Variants in RUSC2 observed in about 807,000 individuals in gnomAD.
RUSC2 encodes the protein AP-4 complex accessory subunit RUSC2.
A neutral mutation model predicts 122.2 loss-of-function variants in RUSC2; 34 were observed. The observed-to-expected ratio is 0.28, with a 90% CI of 0.21 to 0.37. The LOEUF (loss-of-function observed/expected upper bound fraction) is 0.37. RUSC2 is among the 10% of genes least tolerant of loss of function. The pLI, the probability that RUSC2 is intolerant of heterozygous loss-of-function variation, is 1.00. For missense variants in RUSC2, 1,747 were observed against 1,952.4 expected, an observed-to-expected ratio of 0.89 and a Z score of 1.98; for synonymous variants, 784 against 790.0, an observed-to-expected ratio of 0.99 and a Z score of 0.13.
In RUSC2 at chr9:35,502,096, C is replaced by T. The variant is rs958319879; in HGVS notation, c.-93+11924C>T. On this transcript the variant is annotated intron_variant, in intron 1 of 11. Coordinates refer to ENST00000361226, the MANE Select transcript of RUSC2 (RefSeq NM_014806.5). ...AAACTTGATGGAAAAAAAAATCACC[C>T]GGATCACCCCTGAAATTCTGATTCA... Among the ~76,000 whole-genome samples, 7 of 152,132 alleles carry T rather than the reference C, an allele frequency of 4.6e-5. No individual in the cohort carries two copies. In the East Asian group the frequency reaches 7.7e-4, roughly 17 times the overall value.
At chr9:35,559,555 T>G (rs547810540) in intron 9 of RUSC2, among the ~76,000 whole-genome samples, 1 of 152,220 alleles carries the variant, frequency 6.6e-6, no homozygotes, top group Admixed American at 6.5e-5. Context: ...GGCAACATGG[T>G]GAAACCCCGT....
chr9:35,549,292 A>ATTT, intron 2 of RUSC2: 16 of 606,562 alleles, frequency 2.6e-5, no homozygotes, highest in Non-Finnish European at 3.0e-5. Flanking sequence ...GCGTCAGTGA[A>ATTT]GTTTTTTTTT....
chr9:35,548,548 A>G lies in RUSC2; in HGVS notation c.2014+13A>G. ...GCTAGAGCTGACGGTAAGGAGCCTAAGGGTTAGCAAATATGTGGCTATTCA... is the reference window on the plus strand; with the variant it reads ...GCTAGAGCTGACGGTAAGGAGCCTAGGGGTTAGCAAATATGTGGCTATTCA... On this transcript the variant is annotated intron_variant, in intron 2 of 11. Coordinates refer to ENST00000361226, the MANE Select transcript of RUSC2 (RefSeq NM_014806.5). This position sits in a 1 kb window ranked among gnomAD's most constrained non-coding sequence, Gnocchi z 4.5. The G allele has an allele frequency of 6.3e-7, 1 of 1,588,882 alleles. No individual in the cohort carries two copies. The highest frequency in any genetic ancestry group is 8.6e-7 in the Non-Finnish European group (1 of 1,169,160).
intron 1 of RUSC2, among the ~76,000 whole-genome samples, chr9:35,521,807 T>C (rs376288802): frequency 6.6e-6 from 1 of 152,224 alleles, no homozygotes; most frequent in African/African-American, 2.4e-5. Context: ...CTGGCCTCAC[T>C]TGGAGTCCAA....
chr9:35,503,212 G>A (rs1163722202), intron 1 of RUSC2, among the ~76,000 whole-genome samples: 10 of 152,024 alleles, frequency 6.6e-5, no homozygotes, highest in Admixed American at 5.9e-4. Context: ...CCCATCACCT[G>A]AGCAGTGTAC....
chr9:35,509,759 ATT>A (rs1820980197), intron 1 of RUSC2, among the ~76,000 whole-genome samples: 1 of 152,186 alleles, frequency 6.6e-6, no homozygotes, highest in Non-Finnish European at 1.5e-5. Flanking sequence ...ATTCACATTT[ATT>A]ATAGTTGTCA....
rs567880502 is a variant in RUSC2, at chr9:35,527,670, T to C, written c.-92-18760T>C. On this transcript the variant is annotated intron_variant, in intron 1 of 11. Transcript: ENST00000361226. ...GTTCTTGCAATCTAAATACATTATT[T>C]ATTGTTTTCTCTGTTATTTGCTCAT... Among the ~76,000 whole-genome samples, 27 of 152,360 alleles carry C rather than the reference T, an allele frequency of 1.8e-4. No homozygotes were observed. The South Asian group carries it at 5.6e-3, about 32-fold the overall frequency.
rs1426237324 is a variant in RUSC2, at chr9:35,560,183, T to C, written c.3543T>C (p.Ser1181=). Reference sequence around the variant, plus strand: ...TGTTCCAGCACCGGCTGCTGCAAAGTGGGCAGCAGCAGCGGCAGCACAAGG... The same window carrying C: ...TGTTCCAGCACCGGCTGCTGCAAAGCGGGCAGCAGCAGCGGCAGCACAAGG... ...DLLFQHRLLQ[S]GQQQRQHKEL... The change falls in exon 10 of 12, where the codon AGT becomes AGC. Residue 1181 remains serine, a synonymous_variant. Coordinates refer to ENST00000361226, the MANE Select transcript of RUSC2 (RefSeq NM_014806.5). 6.2e-7 allele frequency: 1 copy of C among 1,606,488 alleles called. No individual in the cohort carries two copies. The highest frequency in any genetic ancestry group is 1.7e-5 in the Admixed American group (1 of 60,018).
chr9:35,526,822 G>A (rs1387301887), intron 1 of RUSC2, among the ~76,000 whole-genome samples: 1 of 152,154 alleles, frequency 6.6e-6, no homozygotes, highest in African/African-American at 2.4e-5. Context: ...GTACAGTTTA[G>A]ATACTTGTTA....
At chr9:35,526,983 A>G (rs1423158400) in intron 1 of RUSC2, among the ~76,000 whole-genome samples, 1 of 152,032 alleles carries the variant, frequency 6.6e-6, no homozygotes, top group African/African-American at 2.4e-5. Context: ...TATATTAAAC[A>G]TTTTCATTCT....
chr9:35,505,364 C>T (rs986955220), intron 1 of RUSC2, among the ~76,000 whole-genome samples: 2 of 152,108 alleles, frequency 1.3e-5, no homozygotes, highest in African/African-American at 4.8e-5. Context: ...AACTGAGATC[C>T]CTTCCTTAGT....
chr9:35,561,350 C>A lies in RUSC2; in HGVS notation c.4519C>A (p.Pro1507Thr). The A allele has an allele frequency of 6.2e-7, 1 of 1,613,798 alleles. No individual in the cohort carries two copies. Among genetic ancestry groups the A allele is most frequent in the South Asian group, 1.1e-5 (1 of 91,048 alleles). The change falls in exon 12 of 12, where the codon CCA (proline) becomes ACA (threonine). Residue 1507 changes from proline to threonine, a missense_variant. Transcript: ENST00000361226. ...PLAYVTLTPTPSPTPGSSQN is the reference protein window; with the variant it reads ...PLAYVTLTPTTSPTPGSSQN ...GGCCTACGTGACATTGACCCCAACT[C>A]CAAGTCCAACCCCTGGAAGCAGCCA... is the stretch of plus-strand genomic sequence containing the variant.
At position 35,560,545 on chromosome 9, in the gene RUSC2, AAAAG is replaced by A; in HGVS notation, c.3910_3913del (p.Lys1304GlyfsTer17). 1.9e-6 allele frequency: 3 copies of A among 1,614,136 alleles called. No homozygotes were observed. The highest frequency in any genetic ancestry group is 1.7e-5 in the Admixed American group (1 of 60,024). On this transcript the variant is annotated frameshift_variant, in exon 10 of 12. Transcript: ENST00000361226. LOFTEE classifies it high-confidence loss of function. Reference sequence around the variant, plus strand: ...GGTAGCAGCAACAGCAGCAGCGAGAAAAAGAAAGGGGCAGGAGGTGGGGGACCTC... The same window carrying A: ...GGTAGCAGCAACAGCAGCAGCGAGAAAAAGGGGCAGGAGGTGGGGGACCTC...
intron 1 of RUSC2, among the ~76,000 whole-genome samples, chr9:35,518,683 A>T (rs1199559629): frequency 6.6e-6 from 1 of 152,166 alleles, no homozygotes; most frequent in Non-Finnish European, 1.5e-5. Context: ...GTCTAGGAAA[A>T]AATCTCTGGT....
chr9:35,499,427 T>C (rs906753600), intron 1 of RUSC2, among the ~76,000 whole-genome samples: 1 of 152,230 alleles, frequency 6.6e-6, no homozygotes, highest in African/African-American at 2.4e-5. Flanking sequence ...AACCCTCTGT[T>C]CCTTGGAATT....
chr9:35,561,895 A>G lies in RUSC2; in HGVS notation c.*513A>G, dbSNP rs1333517719. 2.6e-6 allele frequency: 2 copies of G among 776,658 alleles called. No homozygotes were observed. The highest frequency in any genetic ancestry group is 3.0e-5 in the South Asian group (2 of 67,336). 48.1% of individuals were successfully genotyped at this position (776,658 alleles called of 1,614,324 possible). On this transcript the variant is annotated 3_prime_UTR_variant, in exon 12 of 12. Transcript: ENST00000361226. ...AATAAAAAAGGTGCTCAGCCTCCAA[A>G]CCATTTTCTCTTTGTGTTCCCCCAC...
chr9:35,510,458 A>G (rs1820993064), intron 1 of RUSC2, among the ~76,000 whole-genome samples: 1 of 152,246 alleles, frequency 6.6e-6, no homozygotes. Flanking sequence ...GCTGGCTTTC[A>G]TGATTTAACT....
chr9:35,546,799 G>A lies in RUSC2; in HGVS notation c.278G>A (p.Gly93Asp), dbSNP rs1821755487. The part of the protein sequence containing the change: ...STKSRSRDGR[G>D]PGAPKRHNPF... ...AAGAGTAGGAGTCGGGATGGAAGAG[G>A]CCCTGGAGCCCCCAAACGACACAAC... Residue 93 changes from glycine to aspartate, a missense_variant, in exon 2 of 12, where the codon GGC (glycine) becomes GAC (aspartate). Gly to Asp is a moderately conservative substitution (Grantham distance 94). Coordinates refer to ENST00000361226, the MANE Select transcript of RUSC2 (RefSeq NM_014806.5). The surrounding 1 kb of genome is among the most constrained non-coding windows in gnomAD (Gnocchi z 4.3). 1 of 1,610,888 alleles carries A rather than the reference G, an allele frequency of 6.2e-7. No individual in the cohort carries two copies. Among genetic ancestry groups the A allele is most frequent in the African/African-American group, 1.3e-5 (1 of 74,900 alleles).
intron 2 of RUSC2, among the ~76,000 whole-genome samples, chr9:35,552,800 G>T (rs1821927164): frequency 6.6e-6 from 1 of 152,186 alleles, no homozygotes; most frequent in South Asian, 2.1e-4. Context: ...CTTAATGAAT[G>T]TCACATAGAA....
Sources: gnomAD v4.1 joint callset for allele counts (sites outside exome capture counted in the v4.1 genomes callset) on GRCh38, gnomAD v4.1.1 for gene constraint, Gnocchi (gnomAD v3.1) non-coding constraint, MANE v1.5 for transcripts, NCBI Gene and HGNC (gene_info 2026-07-23, HGNC 2026-07-21) for gene names.